PRR5L: variants seen among roughly 807,000 people sequenced by gnomAD.
The protein encoded by PRR5L is proline-rich protein 5-like.
In PRR5L, 21 loss-of-function variants were observed where a neutral mutation model predicts 36.4. The observed-to-expected ratio is 0.58, with a 90% CI of 0.41 to 0.83. The LOEUF is 0.83. Ranked by LOEUF, PRR5L falls within the 40% of genes least tolerant of loss-of-function variation. PRR5L has a pLI of 0.00. For missense variants in PRR5L, 381 were observed against 473.3 expected (o/e 0.80, Z 1.81); for synonymous variants, 188 against 197.0 (o/e 0.95, Z 0.38).
intron 6 of PRR5L, among the ~76,000 whole-genome samples, chr11:36,444,898 C>G (rs1264477238): frequency 6.6e-6 from 1 of 152,228 alleles, no homozygotes; most frequent in African/African-American, 2.4e-5. Context: ...AATGCTGGCT[C>G]TCTCCTGTTG....
chr11:36,352,743 C>A (rs866596982), intron 1 of PRR5L, among the ~76,000 whole-genome samples: 6 of 152,160 alleles, frequency 3.9e-5, no homozygotes, highest in Admixed American at 2.6e-4. Context: ...ACATCCCTGG[C>A]CCTCCTCAGA....
chr11:36,391,494 C>T (rs1564933676), intron 1 of PRR5L, among the ~76,000 whole-genome samples: 1 of 152,202 alleles, frequency 6.6e-6, no homozygotes, highest in Non-Finnish European at 1.5e-5. Context: ...CCTGTAACTG[C>T]CACCGAATTT....
intron 1 of PRR5L, among the ~76,000 whole-genome samples, chr11:36,357,941 C>G (rs1590479619): frequency 1.3e-5 from 2 of 152,298 alleles, no homozygotes; most frequent in South Asian, 4.1e-4. Context: ...TGGATCTGAA[C>G]AAAGTCAGTT....
chr11:36,319,111 G>A (rs907963610), intron 1 of PRR5L, among the ~76,000 whole-genome samples: 1 of 152,194 alleles, frequency 6.6e-6, no homozygotes, highest in Non-Finnish European at 1.5e-5. Flanking sequence ...GGAAATTTAG[G>A]AGCAGAAGCA....
intron 7 of PRR5L, among the ~76,000 whole-genome samples, chr11:36,449,622 G>A (rs969979341): frequency 6.6e-6 from 1 of 152,198 alleles, no homozygotes; most frequent in African/African-American, 2.4e-5. Context: ...GCCAGGCAGG[G>A]TGTGCAGCCT....
chr11:36,429,125 A>G (rs977165483), intron 4 of PRR5L, among the ~76,000 whole-genome samples: 1 of 152,202 alleles, frequency 6.6e-6, no homozygotes, highest in Non-Finnish European at 1.5e-5. Flanking sequence ...AATCCAGGCC[A>G]TGATTTGAGG....
chr11:36,413,928 G>A (rs2133574793), intron 3 of PRR5L, among the ~76,000 whole-genome samples: 1 of 134,032 alleles, frequency 7.5e-6, no homozygotes, highest in Middle Eastern at 4.4e-3. Context: ...TGTTCTCATT[G>A]TTCAATTCCC....
At chr11:36,367,650 C>T (rs1000141845) in intron 1 of PRR5L, among the ~76,000 whole-genome samples, 2 of 152,114 alleles carry the variant, frequency 1.3e-5, no homozygotes, top group Non-Finnish European at 1.5e-5. Flanking sequence ...ACAACTTGAC[C>T]TGGACCCTGG....
At chr11:36,390,973 T>C (rs182009565) in intron 1 of PRR5L, among the ~76,000 whole-genome samples, 35 of 152,300 alleles carry the variant, frequency 2.3e-4, no homozygotes, top group African/African-American at 8.2e-4. Context: ...ATTGGGTCAT[T>C]CCTGTGTTCA....
chr11:36,395,863 G>A (rs1003089140), intron 1 of PRR5L, among the ~76,000 whole-genome samples: 29 of 152,084 alleles, frequency 1.9e-4, no homozygotes, highest in African/African-American at 6.3e-4. Flanking sequence ...CTAAGAATAT[G>A]GGCAAACACT....
intron 6 of PRR5L, among the ~76,000 whole-genome samples, chr11:36,443,641 A>G (rs932650075): frequency 6.6e-6 from 1 of 152,224 alleles, no homozygotes; most frequent in Non-Finnish European, 1.5e-5. Context: ...GGGCTTAAGA[A>G]TTGTCGCCAT....
At chr11:36,428,987 A>G (rs1366452593) in intron 4 of PRR5L, among the ~76,000 whole-genome samples, 1 of 152,100 alleles carries the variant, frequency 6.6e-6, no homozygotes, top group Non-Finnish European at 1.5e-5. Context: ...ACAAATTTTA[A>G]AAGAGTATTT....
chr11:36,450,478 C>T (rs1564953112), intron 7 of PRR5L, among the ~76,000 whole-genome samples: 1 of 152,220 alleles, frequency 6.6e-6, no homozygotes, highest in Non-Finnish European at 1.5e-5. Flanking sequence ...ACATTGGTTA[C>T]TGGCTCCTTT....
chr11:36,462,266 C>A, intron 8 of PRR5L, 76 bp from the exon 9 acceptor site: 1 of 1,400,020 alleles, frequency 7.1e-7, no homozygotes, highest in Non-Finnish European at 9.5e-7. Context: ...TGTTCTTTTC[C>A]CCCAGTTGGA....
intron 1 of PRR5L, among the ~76,000 whole-genome samples, chr11:36,362,612 G>T (rs1857102647): frequency 6.6e-6 from 1 of 152,118 alleles, no homozygotes; most frequent in Admixed American, 6.5e-5. Context: ...TGCTGTTTCT[G>T]TTTGAAAGCA....
intron 1 of PRR5L, among the ~76,000 whole-genome samples, chr11:36,354,388 C>A (rs1350830483): frequency 2.0e-5 from 3 of 152,096 alleles, no homozygotes; most frequent in Non-Finnish European, 2.9e-5. Context: ...TTGGAATAAG[C>A]CTTTGGGGCA....
rs536353530 is a variant in PRR5L at position 36,302,554 on chromosome 11, G to GT, written c.-126+6116_-126+6117insT. Among the ~76,000 whole-genome samples the GT allele has an allele frequency of 2.3e-3, 343 of 152,176 alleles. 2 individuals are homozygous for GT. Among genetic ancestry groups the GT allele is most frequent in the African/African-American group, 7.8e-3 (322 of 41,506 alleles). On this transcript the variant is annotated intron_variant, in intron 1 of 8. Coordinates refer to ENST00000530639, the MANE Select transcript of PRR5L (RefSeq NM_001160167.2). Reference sequence around the variant, plus strand: ...TTATCCCAGCACTTTGGGAGGCCAAGGCAGGCAGATCACCTGAGCTCAGGA... The same window carrying GT: ...TTATCCCAGCACTTTGGGAGGCCAAGTGCAGGCAGATCACCTGAGCTCAGGA...
chr11:36,389,761 C>T lies in PRR5L; in HGVS notation c.-125-11236C>T, dbSNP rs575502210. Among the ~76,000 whole-genome samples the T allele has an allele frequency of 3.9e-4, 59 of 152,184 alleles. 1 individual carries two copies. In the South Asian group the frequency reaches 5.4e-3, roughly 14 times the overall value. Reference sequence around the variant, plus strand: ...CTGAGTAGCTGGGATTACAGGCGCCCGCCACCATACCTGGCTAGTTTTGTA... The same window carrying T: ...CTGAGTAGCTGGGATTACAGGCGCCTGCCACCATACCTGGCTAGTTTTGTA... On this transcript the variant is annotated intron_variant, in intron 1 of 8. Coordinates refer to ENST00000530639, the MANE Select transcript of PRR5L (RefSeq NM_001160167.2).
intron 7 of PRR5L, among the ~76,000 whole-genome samples, chr11:36,449,305 A>G (rs1858897046): frequency 6.6e-6 from 1 of 152,168 alleles, no homozygotes; most frequent in African/African-American, 2.4e-5. Flanking sequence ...CTAGACATGC[A>G]CTTTCCACAG....
Sources: gnomAD v4.1 joint callset for allele counts (sites outside exome capture counted in the v4.1 genomes callset) on GRCh38, gnomAD v4.1.1 for gene constraint, MANE v1.5 for transcripts, NCBI Gene and HGNC (gene_info 2026-07-23, HGNC 2026-07-21) for gene names.